Variants in CDC42BPB observed in about 807,000 individuals in gnomAD.
CDC42BPB encodes the protein serine/threonine-protein kinase MRCK beta.
CDC42BPB carries 37 observed loss-of-function variants against 214.9 expected under a neutral mutation model. That is an observed-to-expected ratio of 0.17 (90% CI 0.13 to 0.23). The LOEUF (loss-of-function observed/expected upper bound fraction) is 0.23. Among genes scored for constraint, CDC42BPB ranks in the 10% least tolerant of loss-of-function variants. The pLI is 1.00. For synonymous variants in CDC42BPB, 931 were observed against 884.0 expected, an observed-to-expected ratio of 1.05 and a Z score of -0.94; for missense variants, 1,694 against 2,227.0, an observed-to-expected ratio of 0.76 and a Z score of 4.82.
At chr14:102,978,715 A>G (rs1339270277) in intron 8 of CDC42BPB, among the ~76,000 whole-genome samples, 1 of 152,200 alleles carries the variant, frequency 6.6e-6, no homozygotes, top group Non-Finnish European at 1.5e-5. Context: ...ATTAAAAACT[A>G]TAACCAGGGG....
At chr14:103,003,816 T>C (rs1028162002) in intron 4 of CDC42BPB, 112 bp downstream of exon 4, 1 of 782,562 alleles carries the variant, frequency 1.3e-6, no homozygotes, top group South Asian at 2.0e-5. Flanking sequence ...TCGAGTCCAA[T>C]ACACATTTTT....
intron 13 of CDC42BPB, among the ~76,000 whole-genome samples, chr14:102,970,803 G>A (rs1464158601): frequency 6.6e-6 from 1 of 152,144 alleles, no homozygotes; most frequent in African/African-American, 2.4e-5. Context: ...TTAACTGCCT[G>A]TAACTACAAA....
At chr14:102,973,574 G>A (rs1261506171) in intron 12 of CDC42BPB, among the ~76,000 whole-genome samples, 2 of 152,114 alleles carry the variant, frequency 1.3e-5, no homozygotes, top group Non-Finnish European at 2.9e-5. Flanking sequence ...GGAGGGCCTG[G>A]CTCGGGACGC....
chr14:103,030,548 T>C (rs796787053), intron 1 of CDC42BPB, among the ~76,000 whole-genome samples: 5 of 152,184 alleles, frequency 3.3e-5, no homozygotes, highest in African/African-American at 1.2e-4. Context: ...ATATAAAAAT[T>C]AGCTGAGTGT....
intron 1 of CDC42BPB, among the ~76,000 whole-genome samples, chr14:103,055,912 C>A (rs1226334716): frequency 6.6e-6 from 1 of 152,202 alleles, no homozygotes; most frequent in African/African-American, 2.4e-5. Context: ...CCCAGTGACG[C>A]AAATGACCCA....
chr14:103,034,098 A>G (rs1226500245), intron 1 of CDC42BPB, among the ~76,000 whole-genome samples: 1 of 152,222 alleles, frequency 6.6e-6, no homozygotes, highest in African/African-American at 2.4e-5. Context: ...ACTTTCAAAA[A>G]GTCTAAGATG....
At chr14:102,954,385 C>T (rs1892625167) in intron 22 of CDC42BPB, 110 bp from the exon 23 acceptor site, 1 of 1,444,294 alleles carries the variant, frequency 6.9e-7, no homozygotes, top group African/African-American at 1.4e-5. Flanking sequence ...AACAGTTCTG[C>T]ATTTTTAATT....
chr14:102,996,891 A>C (rs2139582962), intron 5 of CDC42BPB, among the ~76,000 whole-genome samples: 1 of 152,294 alleles, frequency 6.6e-6, no homozygotes. Context: ...TTAAAAAGAA[A>C]GAAAGAGAAA....
rs34301396 is a variant in CDC42BPB at position 102,963,083 on chromosome 14, T to C, written c.2799A>G (p.Glu933=). 0.044 allele frequency: 67,030 copies of C among 1,537,242 alleles called. 1,785 individuals carry two copies. The highest frequency in any genetic ancestry group is 0.095 in the African/African-American group (6,948 of 73,320). The change falls in exon 20 of 37, where the codon GAA becomes GAG. Residue 933 remains glutamate, a synonymous_variant. Coordinates refer to ENST00000361246, the MANE Select transcript of CDC42BPB (RefSeq NM_006035.4). The part of the protein sequence containing the change: ...EEMEILKKKM[E]EKFRADTGLK... ...TACCAGTATCTGCTCTGAATTTTTC[T>C]TCCATCTTTTTCTTCAAAATTTCCA...
In CDC42BPB at chr14:102,944,700, C is replaced by T. The variant is rs542702155; in HGVS notation, c.3812-213G>A. The T allele has an allele frequency of 4.5e-5, 44 of 983,886 alleles. No homozygotes were observed. The highest frequency in any genetic ancestry group is 5.1e-5 in the Non-Finnish European group (42 of 828,554). 60.9% of individuals were successfully genotyped at this position (983,886 alleles called of 1,614,324 possible). ...CGGAGAAGCTGCCCCACATCCACAG[C>T]GCGCTCCTGGGGCAGCCTCGGGGGC... On this transcript the variant is annotated intron_variant, in intron 29 of 36. Transcript: ENST00000361246. The surrounding 1 kb of genome is among the most constrained non-coding windows in gnomAD (Gnocchi z 6.6).
At chr14:103,048,444 T>C (rs1888415095) in intron 1 of CDC42BPB, among the ~76,000 whole-genome samples, 1 of 146,990 alleles carries the variant, frequency 6.8e-6, no homozygotes, top group African/African-American at 2.5e-5. Flanking sequence ...ATCCCAGCAC[T>C]CTGGGAGGAT....
intron 29 of CDC42BPB, 95 bp downstream of exon 29, chr14:102,945,567 T>G: frequency 8.7e-7 from 1 of 1,153,680 alleles, no homozygotes; most frequent in Non-Finnish European, 1.3e-6. Context: ...TCAAGCGCAT[T>G]TGTCTTAACC....
intron 23 of CDC42BPB, 50 bp from the exon 24 acceptor site, chr14:102,952,653 GTCAGA>G: frequency 6.3e-7 from 1 of 1,584,770 alleles, no homozygotes; most frequent in Non-Finnish European, 8.6e-7. Flanking sequence ...ACTCTTGAGA[GTCAGA>G]TCCATCTGCC....
intron 2 of CDC42BPB, among the ~76,000 whole-genome samples, chr14:103,011,489 T>C (rs1251994947): frequency 1.3e-5 from 2 of 152,180 alleles, no homozygotes; most frequent in African/African-American, 4.8e-5. Flanking sequence ...TCCCAGCACT[T>C]TGGGAGGCTG....
At position 102,978,660 on chromosome 14, in the gene CDC42BPB, A is replaced by G. The variant is rs560291493; in HGVS notation, c.1141-455T>C. ...GGAACCCAAAGGTAGATTATTTTAGATAAGTTTATTATAACTCTATTTTTC... is the reference window on the plus strand; with the variant it reads ...GGAACCCAAAGGTAGATTATTTTAGGTAAGTTTATTATAACTCTATTTTTC... On this transcript the variant is annotated intron_variant, in intron 8 of 36. Transcript: ENST00000361246. Among the ~76,000 whole-genome samples, 158 of 152,348 alleles carry G rather than the reference A, an allele frequency of 1.0e-3. 2 individuals carry two copies. Among genetic ancestry groups the G allele is most frequent in the African/African-American group, 3.6e-3 (149 of 41,574 alleles).
chr14:102,935,398 G>A (rs1265938313), intron 36 of CDC42BPB, among the ~76,000 whole-genome samples: 4 of 152,054 alleles, frequency 2.6e-5, no homozygotes, highest in Non-Finnish European at 4.4e-5. Context: ...ACCAGAGAAG[G>A]GAAAAATGTG....
At chr14:103,053,415 G>A (rs1175365421) in intron 1 of CDC42BPB, among the ~76,000 whole-genome samples, 1 of 151,630 alleles carries the variant, frequency 6.6e-6, no homozygotes, top group Non-Finnish European at 1.5e-5. Flanking sequence ...AGATTTCATA[G>A]AGGAAACCAA....
At chr14:103,055,360 T>C (rs574360678) in intron 1 of CDC42BPB, among the ~76,000 whole-genome samples, 4 of 152,164 alleles carry the variant, frequency 2.6e-5, no homozygotes, top group African/African-American at 9.6e-5. Flanking sequence ...GAGATGGAGG[T>C]TGTAGTGAGC....
rs1359058438 is a variant in CDC42BPB at position 102,944,834 on chromosome 14, G to A, written c.3812-347C>T. Among the ~76,000 whole-genome samples, 1 of 152,168 alleles carries A rather than the reference G, an allele frequency of 6.6e-6. No individual in the cohort carries two copies. Among genetic ancestry groups the A allele is most frequent in the East Asian group, 1.9e-4 (1 of 5,200 alleles). On this transcript the variant is annotated intron_variant, in intron 29 of 36. Coordinates refer to ENST00000361246, the MANE Select transcript of CDC42BPB (RefSeq NM_006035.4). This position sits in a 1 kb window ranked among gnomAD's most constrained non-coding sequence, Gnocchi z 6.6. Reference sequence around the variant, plus strand: ...TCCTCGCGCAGCAAGGCCCTGGGGTGATCTGGGCCTCCTTCCAGCTCATCC... The same window carrying A: ...TCCTCGCGCAGCAAGGCCCTGGGGTAATCTGGGCCTCCTTCCAGCTCATCC...
Sources: gnomAD v4.1 joint callset for allele counts (sites outside exome capture counted in the v4.1 genomes callset) on GRCh38, gnomAD v4.1.1 for gene constraint, Gnocchi (gnomAD v3.1) non-coding constraint, MANE v1.5 for transcripts, NCBI Gene and HGNC (gene_info 2026-07-23, HGNC 2026-07-21) for gene names.